The following ANKS1B variants were observed in gnomAD, a reference collection of about 807,000 sequenced individuals.
ANKS1B encodes the protein ankyrin repeat and sterile alpha motif domain containing 1B.
A neutral mutation model predicts 148.3 loss-of-function variants in ANKS1B; 36 were observed. The ratio of observed to expected loss-of-function variants is 0.24; its 90% CI spans 0.19 to 0.32. The LOEUF is 0.32. Among genes scored for constraint, ANKS1B ranks in the 10% least tolerant of loss-of-function variants. The pLI, the probability that ANKS1B is intolerant of heterozygous loss-of-function variation, is 1.00. For synonymous variants in ANKS1B, 542 were observed against 560.8 expected, an observed-to-expected ratio of 0.97 and a Z score of 0.47; for missense variants, 1,157 against 1,542.6, an observed-to-expected ratio of 0.75 and a Z score of 4.19.
intron 12 of ANKS1B, among the ~76,000 whole-genome samples, chr12:99,315,895 C>T (rs531412049): frequency 2.6e-5 from 4 of 152,226 alleles, no homozygotes; most frequent in African/African-American, 9.6e-5. Flanking sequence ...TGTTCAACTC[C>T]CACCTATGAA....
At chr12:98,793,251 A>AT (rs1046467095) in intron 22 of ANKS1B, among the ~76,000 whole-genome samples, 2 of 152,108 alleles carry the variant, frequency 1.3e-5, no homozygotes, top group African/African-American at 4.8e-5. Context: ...GATATTGAGC[A>AT]TTTTTTCATA....
chr12:99,657,509 A>G (rs921516881), intron 8 of ANKS1B, among the ~76,000 whole-genome samples: 1 of 152,160 alleles, frequency 6.6e-6, no homozygotes, highest in African/African-American at 2.4e-5. Flanking sequence ...AATTTGATAC[A>G]TAGCAGCCCA....
chr12:99,287,308 G>A (rs752355333), intron 12 of ANKS1B, among the ~76,000 whole-genome samples: 1 of 152,264 alleles, frequency 6.6e-6, no homozygotes, highest in East Asian at 1.9e-4. Flanking sequence ...CAGGAAGGTG[G>A]TATTTCTACA....
intron 14 of ANKS1B, among the ~76,000 whole-genome samples, chr12:99,233,559 T>C (rs2087272097): frequency 6.6e-6 from 1 of 152,166 alleles, no homozygotes; most frequent in Non-Finnish European, 1.5e-5. Flanking sequence ...CCAATACTGA[T>C]TTGTTTGGCA....
At chr12:99,130,553 C>T (rs182729169) in intron 15 of ANKS1B, among the ~76,000 whole-genome samples, 1 of 152,290 alleles carries the variant, frequency 6.6e-6, no homozygotes, top group East Asian at 1.9e-4. Flanking sequence ...ACTATAGCCA[C>T]ATCAGCTAAT....
Position 99,803,275 on chromosome 12 carries a change from AC to A in ANKS1B, c.669+3128del, listed in dbSNP as rs35970531. 8.9e-5 allele frequency among the ~76,000 whole-genome samples: 8 copies of A among 89,848 alleles called. 1 individual carries two copies. Among genetic ancestry groups the A allele is most frequent in the African/African-American group, 3.3e-4 (8 of 24,274 alleles). 58.9% of individuals were successfully genotyped at this position (89,848 alleles called of 152,430 possible). A position where few individuals can be genotyped will look rare whatever the true frequency, so the allele number is the denominator to read the frequency against. Reference sequence around the variant, plus strand: ...ATTTGAGTAATAAAATTAAATATTCACCCCCCCCCAAAAAAAAAGGCAATGA... The same window carrying A: ...ATTTGAGTAATAAAATTAAATATTCACCCCCCCCAAAAAAAAAGGCAATGA... On this transcript the variant is annotated intron_variant, in intron 4 of 26. Coordinates refer to ENST00000683438, the MANE Select transcript of ANKS1B (RefSeq NM_001352186.2).
At chr12:99,538,239 G>C (rs1211307163) in intron 9 of ANKS1B, among the ~76,000 whole-genome samples, 1 of 151,952 alleles carries the variant, frequency 6.6e-6, no homozygotes, top group South Asian at 2.1e-4. Context: ...TGGCTATTCT[G>C]GTTTTTTTGT....
At chr12:99,236,068 A>AT (rs1283382147) in intron 14 of ANKS1B, among the ~76,000 whole-genome samples, 1 of 152,076 alleles carries the variant, frequency 6.6e-6, no homozygotes, top group Non-Finnish European at 1.5e-5. Flanking sequence ...AGGAATCTTC[A>AT]TTTTTCACCA....
chr12:99,044,550 G>C (rs2099961077), intron 17 of ANKS1B, among the ~76,000 whole-genome samples: 1 of 152,148 alleles, frequency 6.6e-6, no homozygotes, highest in Non-Finnish European at 1.5e-5. Flanking sequence ...AGGGAGGACA[G>C]CATCTGAGCA....
chr12:99,407,443 CT>C (rs2094558565), intron 11 of ANKS1B, among the ~76,000 whole-genome samples: 2 of 145,654 alleles, frequency 1.4e-5, no homozygotes, highest in African/African-American at 5.2e-5. Flanking sequence ...AGCCTTTCCT[CT>C]AAGACCTGGA....
intron 17 of ANKS1B, among the ~76,000 whole-genome samples, chr12:98,914,932 T>C (rs2099792140): frequency 6.6e-6 from 1 of 152,222 alleles, no homozygotes; most frequent in Admixed American, 6.5e-5. Context: ...CTATATATTT[T>C]ACTTACCTAT....
At chr12:99,303,154 C>G (rs10860418) in intron 12 of ANKS1B, among the ~76,000 whole-genome samples, 11,586 of 152,108 alleles carry the variant, frequency 0.076, 1,039 homozygotes, top group African/African-American at 0.22. Context: ...ATGTACACAG[C>G]AGTACTGCTG....
chr12:99,699,633 T>G (rs183577915), intron 8 of ANKS1B, among the ~76,000 whole-genome samples: 15 of 152,296 alleles, frequency 9.8e-5, no homozygotes, highest in Admixed American at 9.2e-4. Flanking sequence ...TCAAATCTCC[T>G]TACTTGCTAA....
chr12:98,909,299 A>G (rs1238398342), intron 17 of ANKS1B, among the ~76,000 whole-genome samples: 1 of 152,214 alleles, frequency 6.6e-6, no homozygotes, highest in Non-Finnish European at 1.5e-5. Context: ...AGTAGCAACT[A>G]CTAAATGAAG....
At chr12:99,545,001 G>A (rs748184582) in intron 9 of ANKS1B, among the ~76,000 whole-genome samples, 2 of 152,064 alleles carry the variant, frequency 1.3e-5, no homozygotes, top group African/African-American at 4.8e-5. Context: ...CTTTGGTTAT[G>A]TGGCTTCATT....
At chr12:99,490,455 G>A (rs1595791156) in intron 10 of ANKS1B, among the ~76,000 whole-genome samples, 1 of 152,152 alleles carries the variant, frequency 6.6e-6, no homozygotes, top group Non-Finnish European at 1.5e-5. Context: ...TTTATTGACT[G>A]AGATTAAATA....
intron 1 of ANKS1B, among the ~76,000 whole-genome samples, chr12:99,898,943 C>A (rs11110099): frequency 0.51 from 77,770 of 151,962 alleles, 20,722 homozygotes; most frequent in Middle Eastern, 0.62. Context: ...TAACAGCTAC[C>A]TGGAGATCAA....
chr12:99,291,204 T>C (rs1038260899), intron 12 of ANKS1B, among the ~76,000 whole-genome samples: 12 of 152,048 alleles, frequency 7.9e-5, no homozygotes, highest in Non-Finnish European at 1.6e-4. Context: ...AAATAAAAAC[T>C]GTAAAACACT....
At chr12:99,536,607 A>C (rs1379327414) in intron 9 of ANKS1B, among the ~76,000 whole-genome samples, 5 of 151,980 alleles carry the variant, frequency 3.3e-5, no homozygotes, top group East Asian at 1.9e-4. Context: ...AGAAATATGA[A>C]ATTTTTATTT....
Sources: allele counts gnomAD v4.1 joint callset (sites outside exome capture counted in the v4.1 genomes callset), GRCh38; gene constraint gnomAD v4.1.1; transcripts MANE v1.5; gene names NCBI Gene and HGNC (gene_info 2026-07-23, HGNC 2026-07-21).